NRG1: variants seen among roughly 807,000 people sequenced by gnomAD.
NRG1 encodes the protein neuregulin 1, also known as pro-neuregulin-1, membrane-bound isoform.
In NRG1, 18 loss-of-function variants were observed where a neutral mutation model predicts 63.8. The ratio of observed to expected loss-of-function variants is 0.28; its 90% CI spans 0.19 to 0.42. NRG1 has a LOEUF of 0.42. Ranked by LOEUF, NRG1 falls within the 10% of genes least tolerant of loss-of-function variation. NRG1 has a pLI of 1.00. For synonymous variants in NRG1, 302 were observed against 301.3 expected, an observed-to-expected ratio of 1.00 and a Z score of -0.02; for missense variants, 762 against 814.7, an observed-to-expected ratio of 0.94 and a Z score of 0.79.
At chr8:32,704,574 T>A (rs1815848673) in intron 5 of NRG1, among the ~76,000 whole-genome samples, 2 of 152,164 alleles carry the variant, frequency 1.3e-5, no homozygotes, top group African/African-American at 4.8e-5. Flanking sequence ...AAAAGCAAAT[T>A]CTTGGTTTCC....
At chr8:31,938,595 T>C (rs1801292444) in intron 1 of NRG1, among the ~76,000 whole-genome samples, 1 of 152,150 alleles carries the variant, frequency 6.6e-6, no homozygotes, top group South Asian at 2.1e-4. Flanking sequence ...ATTGGAAGGT[T>C]GGTTATTAAG....
chr8:31,943,513 G>C (rs907510192), intron 1 of NRG1, among the ~76,000 whole-genome samples: 5 of 145,446 alleles, frequency 3.4e-5, no homozygotes, highest in Admixed American at 6.9e-5. Flanking sequence ...ATCACCCCCT[G>C]TTCCCCAAAA....
intron 5 of NRG1, among the ~76,000 whole-genome samples, chr8:32,646,545 CA>C (rs1395675580): frequency 6.6e-6 from 1 of 152,094 alleles, no homozygotes; most frequent in Admixed American, 6.5e-5. Context: ...CCACCTACAC[CA>C]CCCCCCACCC....
chr8:31,987,359 A>C (rs1179846003), intron 1 of NRG1, among the ~76,000 whole-genome samples: 1 of 94,248 alleles, frequency 1.1e-5, no homozygotes, highest in Non-Finnish European at 2.3e-5. Context: ...TATGTGTGTG[A>C]AATTATGACA....
At chr8:31,774,035 G>A (rs1009544878) in intron 1 of NRG1, among the ~76,000 whole-genome samples, 5 of 151,830 alleles carry the variant, frequency 3.3e-5, no homozygotes, top group Non-Finnish European at 5.9e-5. Context: ...AGAAAAAGAA[G>A]TGCATGCAAT....
At chr8:32,293,039 G>A (rs1248131771) in intron 1 of NRG1, among the ~76,000 whole-genome samples, 1 of 152,160 alleles carries the variant, frequency 6.6e-6, no homozygotes, top group Non-Finnish European at 1.5e-5. Context: ...GGGAGGCAGA[G>A]TTTGCAGTGA....
At chr8:32,353,585 T>C (rs1805932739) in intron 1 of NRG1, among the ~76,000 whole-genome samples, 1 of 152,126 alleles carries the variant, frequency 6.6e-6, no homozygotes, top group Admixed American at 6.6e-5. Context: ...GCCTCTGGTG[T>C]TTAGAGAAAT....
chr8:32,263,463 G>A (rs1035154891), intron 1 of NRG1, among the ~76,000 whole-genome samples: 2 of 152,170 alleles, frequency 1.3e-5, no homozygotes, highest in African/African-American at 4.8e-5. Context: ...CATTTCCACA[G>A]TGAGAGCCCC....
At chr8:32,146,516 T>G (rs1379929148) in intron 1 of NRG1, among the ~76,000 whole-genome samples, 1 of 152,138 alleles carries the variant, frequency 6.6e-6, no homozygotes, top group East Asian at 1.9e-4. Context: ...GTAAAAAAAT[T>G]ATCATTTCTC....
chr8:31,763,076 ATCATC>A (rs759930524), intron 1 of NRG1, among the ~76,000 whole-genome samples: 2 of 152,196 alleles, frequency 1.3e-5, no homozygotes, highest in Non-Finnish European at 2.9e-5. Context: ...AAATCATATA[ATCATC>A]TCAATAGATG....
intron 5 of NRG1, among the ~76,000 whole-genome samples, chr8:32,677,656 C>CA (rs201873516): frequency 2.4e-4 from 35 of 148,302 alleles, no homozygotes; most frequent in African/African-American, 6.5e-4. Flanking sequence ...GACCCTGTCT[C>CA]AAAAAAAAAG....
chr8:32,684,307 G>T (rs374443316), intron 5 of NRG1, among the ~76,000 whole-genome samples: 9 of 152,260 alleles, frequency 5.9e-5, no homozygotes, highest in Non-Finnish European at 8.8e-5. Context: ...AAGAATTATT[G>T]TATGTAAGAG....
intron 1 of NRG1, among the ~76,000 whole-genome samples, chr8:31,922,597 C>T (rs551210989): frequency 6.6e-6 from 1 of 152,240 alleles, no homozygotes; most frequent in East Asian, 1.9e-4. Context: ...AGCCTTTGAC[C>T]TATCTGTGGA....
At chr8:32,152,861 C>T (rs60563390) in intron 1 of NRG1, among the ~76,000 whole-genome samples, 2,008 of 152,190 alleles carry the variant, frequency 0.013, 54 homozygotes, top group African/African-American at 0.045. Context: ...TAAATATACA[C>T]GTGCACACAA....
rs1004173086 is a variant in NRG1 at position 32,754,357 on chromosome 8, C to G, written c.692-15C>G. On this transcript the variant is annotated splice_polypyrimidine_tract_variant and intron_variant, in intron 7 of 11. Coordinates refer to ENST00000356819, the Ensembl canonical transcript of NRG1. ...GAAGTGACCTGTGATGACATCTGCTCTCATCCCTTTCCAGAGGCGGAGGAG... is the reference window on the plus strand; with the variant it reads ...GAAGTGACCTGTGATGACATCTGCTGTCATCCCTTTCCAGAGGCGGAGGAG... 6.2e-7 allele frequency: 1 copy of G among 1,611,638 alleles called. No individual in the cohort carries two copies. The highest frequency in any genetic ancestry group is 8.5e-7 in the Non-Finnish European group (1 of 1,178,380).
chr8:32,473,227 T>A (rs1463498040), intron 1 of NRG1, among the ~76,000 whole-genome samples: 2 of 152,250 alleles, frequency 1.3e-5, no homozygotes, highest in Admixed American at 6.5e-5. Context: ...TAATTACTAT[T>A]CTTTTTAAAA....
chr8:32,115,457 A>G (rs1469238279), intron 1 of NRG1, among the ~76,000 whole-genome samples: 1 of 152,152 alleles, frequency 6.6e-6, no homozygotes, highest in African/African-American at 2.4e-5. Context: ...GAAAATCACA[A>G]AAAAAGAGAA....
chr8:32,076,438 T>C (rs1826561563), intron 1 of NRG1, among the ~76,000 whole-genome samples: 1 of 7,974 alleles, frequency 1.3e-4, no homozygotes, highest in South Asian at 0.1. Context: ...TCTGGGGTGT[T>C]TCAGCATGTT....
intron 1 of NRG1, among the ~76,000 whole-genome samples, chr8:32,141,853 CAGTTTGA>C (rs1836319914): frequency 6.6e-6 from 1 of 151,718 alleles, no homozygotes; most frequent in African/African-American, 2.4e-5. Flanking sequence ...ATTGCTTTTC[CAGTTTGA>C]AGATAAAGGA....
Sources: gnomAD v4.1 joint callset for allele counts (sites outside exome capture counted in the v4.1 genomes callset) on GRCh38, gnomAD v4.1.1 for gene constraint, MANE v1.5 for transcripts, NCBI Gene and HGNC (gene_info 2026-07-23, HGNC 2026-07-21) for gene names.